DENND1B: variants seen among roughly 807,000 people sequenced by gnomAD.
The protein encoded by DENND1B is DENN domain-containing protein 1B.
DENND1B carries 59 observed loss-of-function variants against 90.1 expected under a neutral mutation model. That is an observed-to-expected ratio of 0.65 (90% CI 0.53 to 0.81). The LOEUF is 0.81. DENND1B is among the 40% of genes least tolerant of loss of function. The probability of loss-of-function intolerance (pLI) is 0.00; values close to 1 mark genes in which losing one functional copy is unlikely to be tolerated. For missense variants in DENND1B, 862 were observed against 912.6 expected (o/e 0.94, Z 0.71); for synonymous variants, 337 against 324.6 (o/e 1.04, Z -0.41).
intron 2 of DENND1B, chr1:197,746,863 T>A: frequency 6.2e-7 from 1 of 1,612,236 alleles, no homozygotes; most frequent in Non-Finnish European, 8.5e-7. Flanking sequence ...TTTTGGCTTT[T>A]ACAAAGTTGT....
At chr1:197,735,566 T>C (rs1250209154) in intron 2 of DENND1B, 1 of 1,614,078 alleles carries the variant, frequency 6.2e-7, no homozygotes, top group African/African-American at 1.3e-5. Flanking sequence ...TAGACTTTTA[T>C]GAATTCTAAA....
At chr1:197,701,571 GAAGA>G (rs1218026312) in intron 3 of DENND1B, among the ~76,000 whole-genome samples, 1 of 150,952 alleles carries the variant, frequency 6.6e-6, no homozygotes, top group Non-Finnish European at 1.5e-5. Context: ...TTTTAAGAAA[GAAGA>G]TAGAAGAAGA....
chr1:197,773,147 A>G lies in DENND1B; in HGVS notation c.18-215T>C, dbSNP rs942955507. On this transcript the variant is annotated intron_variant, in intron 1 of 22. Coordinates refer to ENST00000620048, the MANE Select transcript of DENND1B (RefSeq NM_001195215.2). ...GGAATTCTGAAACTTGGGGCAAAGC[A>G]TTTAAACGCTGAGACTGTTCTCCCT... is the stretch of plus-strand genomic sequence containing the variant. The G allele has an allele frequency of 5.5e-6, 3 of 545,498 alleles. No homozygotes were observed. The African/African-American group carries it at 5.7e-5, about 10-fold the overall frequency. The allele number at this position is 545,498 out of a possible 1,614,324, so 33.8% of individuals were successfully genotyped here.
At chr1:197,775,946 C>G (rs1024733324), upstream of DENND1B, among the ~76,000 whole-genome samples, 7 of 152,192 alleles carry the variant, frequency 4.6e-5, no homozygotes, top group East Asian at 1.9e-4. Context: ...AGAGCTACCC[C>G]CTCCTGATTC....
rs936538145 is a variant in DENND1B at position 197,510,857 on chromosome 1, G to GGGA, written c.1928_1930dup (p.Leu643dup). 2 of 1,611,470 alleles carry GGGA rather than the reference G, an allele frequency of 1.2e-6. No homozygotes were observed. The highest frequency in any genetic ancestry group is 3.4e-5 in the Admixed American group (2 of 59,682). Reference sequence around the variant, plus strand: ...GGAAACCCGCTTCCTAGGAGATGGAGGGAGGTGTTTGCCATGGAGGGCACT... The same window carrying GGGA: ...GGAAACCCGCTTCCTAGGAGATGGAGGGAGGAGGTGTTTGCCATGGAGGGCACT... On this transcript the variant is annotated inframe_insertion, in exon 23 of 23. Coordinates refer to ENST00000620048, the MANE Select transcript of DENND1B (RefSeq NM_001195215.2).
At chr1:197,641,804 T>C (rs541072995) in intron 10 of DENND1B, among the ~76,000 whole-genome samples, 10 of 152,262 alleles carry the variant, frequency 6.6e-5, no homozygotes, top group African/African-American at 2.4e-4. Context: ...ACAGATATCC[T>C]ACAGAAATCC....
In DENND1B at chr1:197,506,470, T is replaced by C. The variant is rs1571666469; in HGVS notation, c.*3990A>G. On this transcript the variant is annotated 3_prime_UTR_variant, in exon 23 of 23. Coordinates refer to ENST00000620048, the MANE Select transcript of DENND1B (RefSeq NM_001195215.2). ...ATTCTTAAATATTCTGATTTACAAA[T>C]ATCTTAAGATTCAGGGTCTTTTATG... 1.3e-5 allele frequency: 2 copies of C among 151,672 alleles called. No individual in the cohort carries two copies. Among genetic ancestry groups the C allele is most frequent in the African/African-American group, 4.8e-5 (2 of 41,482 alleles). 9.4% of individuals were successfully genotyped at this position (151,672 alleles called of 1,614,324 possible).
chr1:197,705,385 T>C (rs976159400), intron 3 of DENND1B, among the ~76,000 whole-genome samples: 2 of 152,104 alleles, frequency 1.3e-5, no homozygotes, highest in Non-Finnish European at 2.9e-5. Context: ...TAAGAATTGT[T>C]GTAAACTAGA....
intron 20 of DENND1B, 24 bp from the exon 21 acceptor site, chr1:197,512,977 A>G (rs1261840376): frequency 6.3e-7 from 1 of 1,591,688 alleles, no homozygotes; most frequent in South Asian, 1.1e-5. Context: ...TTGACAATAA[A>G]TTGGCATTAG....
At chr1:197,699,895 G>C (rs140300506) in intron 3 of DENND1B, among the ~76,000 whole-genome samples, 3,677 of 152,024 alleles carry the variant, frequency 0.024, 151 homozygotes, top group African/African-American at 0.083. Flanking sequence ...CAGGAATACA[G>C]CTAACAAGGG....
intron 5 of DENND1B, among the ~76,000 whole-genome samples, chr1:197,664,378 A>G (rs534239471): frequency 3.0e-4 from 46 of 152,266 alleles, no homozygotes; most frequent in Middle Eastern, 6.8e-3. Flanking sequence ...GCCAACATAT[A>G]TAAATGTAAA....
In DENND1B at chr1:197,558,066, G is replaced by A. The variant is rs529621473; in HGVS notation, c.1150-4954C>T. 8.7e-4 allele frequency among the ~76,000 whole-genome samples: 132 copies of A among 151,824 alleles called. 1 individual carries two copies. The highest frequency in any genetic ancestry group is 1.7e-3 in the South Asian group (8 of 4,810). On this transcript the variant is annotated intron_variant, in intron 15 of 22. Transcript: ENST00000620048. ...TTATTATTATAAGTAATGACAAATAGCATTGTTAATAACAATAAAAGTGAC... is the reference window on the plus strand; with the variant it reads ...TTATTATTATAAGTAATGACAAATAACATTGTTAATAACAATAAAAGTGAC...
At chr1:197,746,688 GA>G in intron 2 of DENND1B, 1 of 793,902 alleles carries the variant, frequency 1.3e-6, no homozygotes, top group Non-Finnish European at 2.2e-6. Flanking sequence ...ACACAGGCTG[GA>G]AAACGTTCTC....
intron 2 of DENND1B, among the ~76,000 whole-genome samples, chr1:197,756,824 C>T (rs1654368947): frequency 6.6e-6 from 1 of 151,328 alleles, no homozygotes; most frequent in African/African-American, 2.4e-5. Context: ...AAAGAAAATA[C>T]TATGCCTGAA....
intron 8 of DENND1B, among the ~76,000 whole-genome samples, chr1:197,646,734 G>C (rs905926702): frequency 6.6e-6 from 1 of 151,848 alleles, no homozygotes; most frequent in Non-Finnish European, 1.5e-5. Context: ...TTGTGATCTT[G>C]GGACCAAAAA....
intron 20 of DENND1B, among the ~76,000 whole-genome samples, chr1:197,524,772 C>T (rs1669022434): frequency 6.6e-6 from 1 of 152,106 alleles, no homozygotes; most frequent in South Asian, 2.1e-4. Context: ...TAGACAGACT[C>T]TCCATTATGG....
intron 10 of DENND1B, among the ~76,000 whole-genome samples, chr1:197,618,610 T>C (rs1421387): frequency 0.98 from 148,271 of 151,126 alleles, 72,802 homozygotes; most frequent in East Asian, 1. Context: ...AGAATTCTTT[T>C]AATGTGACTT....
intron 3 of DENND1B, among the ~76,000 whole-genome samples, chr1:197,684,525 G>A (rs566258184): frequency 6.6e-6 from 1 of 152,152 alleles, no homozygotes; most frequent in South Asian, 2.1e-4. Flanking sequence ...CAGAACCAAG[G>A]TTTAATCTGG....
intron 10 of DENND1B, among the ~76,000 whole-genome samples, chr1:197,619,324 T>C (rs1470152234): frequency 6.6e-6 from 1 of 151,192 alleles, no homozygotes; most frequent in Non-Finnish European, 1.5e-5. Flanking sequence ...TTGATCTAAC[T>C]CATTGTGTCA....
Sources: gnomAD v4.1 joint callset for allele counts (sites outside exome capture counted in the v4.1 genomes callset) on GRCh38, gnomAD v4.1.1 for gene constraint, MANE v1.5 for transcripts, NCBI Gene and HGNC (gene_info 2026-07-23, HGNC 2026-07-21) for gene names.